DAAM2: variants seen among roughly 807,000 people sequenced by gnomAD.
The protein encoded by DAAM2 is disheveled-associated activator of morphogenesis 2.
In DAAM2, 39 loss-of-function variants were observed where a neutral mutation model predicts 120.7. The observed-to-expected ratio is 0.32, with a 90% CI of 0.25 to 0.42. DAAM2 has a LOEUF of 0.42. Ranked by LOEUF, DAAM2 falls within the 10% of genes least tolerant of loss-of-function variation. DAAM2 has a pLI of 1.00. For synonymous variants in DAAM2, 488 were observed against 524.9 expected, an observed-to-expected ratio of 0.93 and a Z score of 0.96; for missense variants, 1,283 against 1,401.7, an observed-to-expected ratio of 0.92 and a Z score of 1.35.
At chr6:39,860,839 T>A in intron 2 of DAAM2, 89 bp from the exon 3 acceptor site, 1 of 1,016,908 alleles carries the variant, frequency 9.8e-7, no homozygotes, top group Non-Finnish European at 1.5e-6. Flanking sequence ...AGGAACTGAT[T>A]TGGGGGAATT....
Position 39,856,323 on chromosome 6 carries a change from C to A in DAAM2, c.21C>A (p.Ser7Arg). 2 of 1,543,448 alleles carry A rather than the reference C, an allele frequency of 1.3e-6. No individual in the cohort carries two copies. The highest frequency in any genetic ancestry group is 1.2e-5 in the South Asian group (1 of 80,608). ...TGACCATGGCCCCCCGCAAGAGGAGCCACCATGGCCTGGGCTTCCTGTGCT... is the reference window on the plus strand; with the variant it reads ...TGACCATGGCCCCCCGCAAGAGGAGACACCATGGCCTGGGCTTCCTGTGCT... MAPRKR[S>R]HHGLGFLCCF... Residue 7 changes from serine to arginine, a missense_variant, in exon 2 of 25, where the codon AGC becomes AGA. Ser to Arg is a moderately radical substitution (Grantham distance 110, BLOSUM62 -1). This residue lies in a region of DAAM2 where 197 missense variants were observed against 189.3 expected (regional missense o/e 1.04). Coordinates refer to ENST00000274867, the MANE Select transcript of DAAM2 (RefSeq NM_001201427.2).
At chr6:39,856,034 G>A (rs1368252988) in intron 1 of DAAM2, 1 of 985,008 alleles carries the variant, frequency 1.0e-6, no homozygotes, top group Non-Finnish European at 1.2e-6. Flanking sequence ...AGGACATGGT[G>A]GGGAGGATAT....
At chr6:39,796,541 G>A (rs1761704742) in intron 1 of DAAM2, among the ~76,000 whole-genome samples, 2 of 145,268 alleles carry the variant, frequency 1.4e-5, no homozygotes, top group African/African-American at 2.6e-5. Context: ...CCTGTGCAGC[G>A]TTATGCTAGC....
In DAAM2 at chr6:39,875,315, C is replaced by T. The variant is rs568702804; in HGVS notation, c.1163-15C>T. 11 of 1,611,774 alleles carry T rather than the reference C, an allele frequency of 6.8e-6. No homozygotes were observed. The highest frequency in any genetic ancestry group is 4.5e-5 in the East Asian group (2 of 44,868). On this transcript the variant is annotated splice_polypyrimidine_tract_variant and intron_variant, in intron 10 of 24. Coordinates refer to ENST00000274867, the MANE Select transcript of DAAM2 (RefSeq NM_001201427.2). ...TTCAGGACTCAGGAAAGATATGATA[C>T]CTGTCATCCCTCAGACAAACGGAAC...
intron 1 of DAAM2, chr6:39,820,424 A>G (rs1282873391): frequency 3.3e-5 from 5 of 152,180 alleles, no homozygotes; most frequent in African/African-American, 1.2e-4. Flanking sequence ...ACTCAAATAG[A>G]TTTAATCATA....
At position 39,896,435 on chromosome 6, in the gene DAAM2, T is replaced by G. The variant is rs1191922589; in HGVS notation, c.2342-377T>G. ...GCCAGGCTGGTCTCGAACTCCTGAC[T>G]CAAGTGATCTCCCTGCCTCGGCCTC... On this transcript the variant is annotated intron_variant, in intron 19 of 24. Transcript: ENST00000274867. 5.9e-5 allele frequency among the ~76,000 whole-genome samples: 9 copies of G among 152,102 alleles called. No homozygotes were observed. The South Asian group carries it at 1.5e-3, about 25-fold the overall frequency.
In DAAM2 at chr6:39,878,674, A is replaced by C; in HGVS notation, c.1545+86A>C. The C allele has an allele frequency of 7.3e-7, 1 of 1,378,626 alleles. No individual in the cohort carries two copies. Among genetic ancestry groups the C allele is most frequent in the South Asian group, 1.4e-5 (1 of 70,648 alleles). 85.4% of individuals were successfully genotyped at this position (1,378,626 alleles called of 1,614,324 possible). Reference sequence around the variant, plus strand: ...GGGCAGAGCAGGTGTCGGAGAGGCCAAGGACCCCAGCATGAGGGAGAAGGG... The same window carrying C: ...GGGCAGAGCAGGTGTCGGAGAGGCCCAGGACCCCAGCATGAGGGAGAAGGG... On this transcript the variant is annotated intron_variant, in intron 13 of 24. Coordinates refer to ENST00000274867, the MANE Select transcript of DAAM2 (RefSeq NM_001201427.2). The surrounding 1 kb of genome is among the most constrained non-coding windows in gnomAD (Gnocchi z 5.0).
At chr6:39,837,178 G>T (rs998280083) in intron 1 of DAAM2, among the ~76,000 whole-genome samples, 4 of 152,066 alleles carry the variant, frequency 2.6e-5, no homozygotes, top group Admixed American at 2.6e-4. Context: ...GGTGACTCTC[G>T]AAGAAGTATG....
At chr6:39,858,909 C>A (rs1764108779) in intron 2 of DAAM2, among the ~76,000 whole-genome samples, 1 of 152,072 alleles carries the variant, frequency 6.6e-6, no homozygotes, top group Non-Finnish European at 1.5e-5. Context: ...CACGCAGGAA[C>A]ATAGGGTGAA....
At chr6:39,826,974 T>C (rs1437758681) in intron 1 of DAAM2, among the ~76,000 whole-genome samples, 3 of 152,204 alleles carry the variant, frequency 2.0e-5, no homozygotes, top group Admixed American at 6.5e-5. Context: ...GCGGTGTAGC[T>C]TGGATCCTAG....
At chr6:39,856,742 G>A (rs560835083) in intron 2 of DAAM2, among the ~76,000 whole-genome samples, 22 of 152,350 alleles carry the variant, frequency 1.4e-4, no homozygotes, top group South Asian at 1.2e-3. Flanking sequence ...GTTATCATAG[G>A]AAGGGGCAGC....
At chr6:39,857,528 T>A (rs993565792) in intron 2 of DAAM2, among the ~76,000 whole-genome samples, 2 of 152,090 alleles carry the variant, frequency 1.3e-5, no homozygotes, top group Non-Finnish European at 2.9e-5. Context: ...ATGGGGCAAG[T>A]GGTGGGGGCA....
In DAAM2 at chr6:39,857,102, G is replaced by C. The variant is rs75792429; in HGVS notation, c.168+632G>C. Among the ~76,000 whole-genome samples, 8 of 152,318 alleles carry C rather than the reference G, an allele frequency of 5.3e-5. No homozygotes were observed. The East Asian group carries it at 1.2e-3, about 22-fold the overall frequency. ...CCAGACCAGCTTTCAGACTGCCCTT[G>C]TGAGAAGCCCGTGTGTGTGCAGCTT... On this transcript the variant is annotated intron_variant, in intron 2 of 24. Transcript: ENST00000274867.
Position 39,856,294 on chromosome 6 carries a change from G to A in DAAM2, c.-9G>A. On this transcript the variant is annotated 5_prime_UTR_variant, in exon 2 of 25. Coordinates refer to ENST00000274867, the MANE Select transcript of DAAM2 (RefSeq NM_001201427.2). ...TCTGTCTGCTGACGCCCCCTGGCCT[G>A]CAGTGACCATGGCCCCCCGCAAGAG... 6.6e-7 allele frequency: 1 copy of A among 1,517,012 alleles called. No homozygotes were observed. Among genetic ancestry groups the A allele is most frequent in the East Asian group, 2.6e-5 (1 of 39,048 alleles). The allele number at this position is 1,517,012 out of a possible 1,614,324, so 94.0% of individuals were successfully genotyped here.
intron 1 of DAAM2, among the ~76,000 whole-genome samples, chr6:39,827,895 C>T (rs1762734356): frequency 6.6e-6 from 1 of 152,164 alleles, no homozygotes; most frequent in East Asian, 1.9e-4. Flanking sequence ...CTTCTAACTC[C>T]TGCCCTCCCT....
rs565031029 is a variant in DAAM2, at chr6:39,838,902, A to AC, written c.-56-17342dup. ...TCAAACTCCTGACCGCAAGTGACCC[A>AC]CCCACCTCGGCCTCCCAAAGTGCTG... is the stretch of plus-strand genomic sequence containing the variant. On this transcript the variant is annotated intron_variant, in intron 1 of 24. Transcript: ENST00000274867. 9.3e-3 allele frequency among the ~76,000 whole-genome samples: 1,415 copies of AC among 152,076 alleles called. 15 individuals are homozygous for AC. Among genetic ancestry groups the AC allele is most frequent in the Middle Eastern group, 0.041 (12 of 294 alleles).
rs115491680 is a variant in DAAM2, at chr6:39,794,797, G to C, written c.-57+2332G>C. 5.8e-3 allele frequency among the ~76,000 whole-genome samples: 878 copies of C among 152,114 alleles called. 6 individuals carry two copies. The highest frequency in any genetic ancestry group is 0.02 in the African/African-American group (835 of 41,482). On this transcript the variant is annotated intron_variant, in intron 1 of 24. Transcript: ENST00000274867. ...AAGCATAGAGATAATGAAAGATGAG[G>C]CTTTCTTATTTGATTTTACTAGAGC...
chr6:39,797,788 G>A (rs771492595), intron 1 of DAAM2, among the ~76,000 whole-genome samples: 3 of 152,226 alleles, frequency 2.0e-5, no homozygotes, highest in Non-Finnish European at 2.9e-5. Context: ...TGCAGACTTC[G>A]TATGGTTCTC....
intron 6 of DAAM2, 160 bp downstream of exon 6, chr6:39,868,003 G>C: frequency 1.5e-6 from 1 of 657,992 alleles, no homozygotes; most frequent in Non-Finnish European, 2.6e-6. Context: ...AGAGTACTGG[G>C]ACCTGGAAGG....
Sources: allele counts gnomAD v4.1 joint callset (sites outside exome capture counted in the v4.1 genomes callset), GRCh38; gene constraint gnomAD v4.1.1; regional missense constraint gnomAD v4.1.1; non-coding constraint Gnocchi (gnomAD v3.1); transcripts MANE v1.5; gene names NCBI Gene and HGNC (gene_info 2026-07-23, HGNC 2026-07-21).